The following PTPRT variants were observed in gnomAD, a reference collection of about 807,000 sequenced individuals.
PTPRT encodes the protein protein tyrosine phosphatase receptor type T, also known as receptor-type tyrosine-protein phosphatase T.
PTPRT carries 56 observed loss-of-function variants against 176.8 expected under a neutral mutation model. The ratio of observed to expected loss-of-function variants is 0.32; its 90% CI spans 0.26 to 0.40. The LOEUF (loss-of-function observed/expected upper bound fraction) is 0.40. PTPRT is among the 10% of genes least tolerant of loss of function. The pLI, the probability that PTPRT is intolerant of heterozygous loss-of-function variation, is 1.00. For synonymous variants in PTPRT, 783 were observed against 739.0 expected, an observed-to-expected ratio of 1.06 and a Z score of -0.96; for missense variants, 1,540 against 1,908.2, an observed-to-expected ratio of 0.81 and a Z score of 3.60.
At chr20:42,523,488 T>C (rs537701190) in intron 7 of PTPRT, among the ~76,000 whole-genome samples, 9 of 152,196 alleles carry the variant, frequency 5.9e-5, no homozygotes, top group Non-Finnish European at 1.2e-4. Context: ...CTCCTAGGTG[T>C]TTTGTAAATA....
At chr20:42,711,859 C>T (rs914346385) in intron 6 of PTPRT, among the ~76,000 whole-genome samples, 2 of 151,694 alleles carry the variant, frequency 1.3e-5, no homozygotes, top group African/African-American at 4.9e-5. Context: ...GAAAATGAGG[C>T]TGACAGATGA....
chr20:42,094,388 C>G (rs1395074428), intron 27 of PTPRT, among the ~76,000 whole-genome samples: 1 of 152,168 alleles, frequency 6.6e-6, no homozygotes, highest in Admixed American at 6.5e-5. Flanking sequence ...TTCTAACCTT[C>G]TATTGCTCAG....
At chr20:42,823,715 T>TA (rs1373525539) in intron 2 of PTPRT, among the ~76,000 whole-genome samples, 1 of 152,036 alleles carries the variant, frequency 6.6e-6, no homozygotes, top group Non-Finnish European at 1.5e-5. Flanking sequence ...AGGTTATACT[T>TA]ACATTATTCA....
chr20:42,881,792 G>C (rs75639610), intron 2 of PTPRT, among the ~76,000 whole-genome samples: 3,016 of 149,166 alleles, frequency 0.02, 51 homozygotes, highest in Middle Eastern at 0.053. Flanking sequence ...AATCAACAAA[G>C]TGAAGAATTG....
At chr20:42,877,596 A>G (rs2078954751) in intron 2 of PTPRT, among the ~76,000 whole-genome samples, 1 of 152,198 alleles carries the variant, frequency 6.6e-6, no homozygotes, top group East Asian at 1.9e-4. Context: ...AGAAAGTTCA[A>G]TTATTAATAA....
chr20:42,132,015 G>T (rs535566250), intron 18 of PTPRT, among the ~76,000 whole-genome samples: 11 of 152,288 alleles, frequency 7.2e-5, no homozygotes, highest in African/African-American at 2.6e-4. Flanking sequence ...AGCAGCGGGG[G>T]TTTCATTTCA....
At chr20:42,071,320 T>C (rs567777262), downstream of PTPRT, among the ~76,000 whole-genome samples, 5 of 152,322 alleles carry the variant, frequency 3.3e-5, no homozygotes, top group Admixed American at 6.5e-5. Context: ...AGAGGACATA[T>C]GCATCCAACT....
chr20:42,883,913 C>A (rs1014034902), intron 2 of PTPRT, among the ~76,000 whole-genome samples: 54 of 133,196 alleles, frequency 4.1e-4, no homozygotes, highest in Non-Finnish European at 7.3e-4. Context: ...CACACACACA[C>A]ACATACCAGT....
chr20:42,830,432 T>C (rs570211189), intron 2 of PTPRT, among the ~76,000 whole-genome samples: 3 of 152,260 alleles, frequency 2.0e-5, no homozygotes, highest in Admixed American at 1.3e-4. Context: ...ACACTACGTA[T>C]TCAAAGAACA....
chr20:43,126,993 ATTC>A (rs943792473), intron 1 of PTPRT, among the ~76,000 whole-genome samples: 32 of 152,350 alleles, frequency 2.1e-4, no homozygotes, highest in African/African-American at 5.5e-4. Flanking sequence ...ATTATTTCCA[ATTC>A]TTCTTTTCAT....
At chr20:43,072,016 C>G (rs1199804695) in intron 1 of PTPRT, among the ~76,000 whole-genome samples, 2 of 152,212 alleles carry the variant, frequency 1.3e-5, no homozygotes, top group Non-Finnish European at 1.5e-5. Context: ...ATCTAGCTCT[C>G]TAGACTGTGA....
At chr20:42,262,421 G>C (rs954958077) in intron 13 of PTPRT, among the ~76,000 whole-genome samples, 3 of 152,196 alleles carry the variant, frequency 2.0e-5, no homozygotes, top group Admixed American at 2.0e-4. Flanking sequence ...TGAGATCCCA[G>C]GCGAGACACT....
At chr20:43,133,560 A>G (rs927802787) in intron 1 of PTPRT, among the ~76,000 whole-genome samples, 3 of 151,980 alleles carry the variant, frequency 2.0e-5, no homozygotes, top group African/African-American at 7.3e-5. Flanking sequence ...CCTGGCTAAC[A>G]CACAGTGAAA....
At chr20:43,045,433 C>T (rs1264746718) in intron 1 of PTPRT, among the ~76,000 whole-genome samples, 6 of 149,790 alleles carry the variant, frequency 4.0e-5, no homozygotes, top group African/African-American at 1.2e-4. Context: ...TAAACTCTAA[C>T]TTTTTTCTTT....
intron 13 of PTPRT, among the ~76,000 whole-genome samples, chr20:42,277,983 A>T (rs2057071636): frequency 6.7e-6 from 1 of 149,396 alleles, no homozygotes; most frequent in African/African-American, 2.5e-5. Flanking sequence ...AGATCTGGGA[A>T]TAATAAAACA....
intron 7 of PTPRT, among the ~76,000 whole-genome samples, chr20:42,534,648 A>G (rs1268068242): frequency 1.3e-5 from 2 of 152,166 alleles, no homozygotes; most frequent in East Asian, 3.9e-4. Context: ...AAAAGAAAAA[A>G]AGATACAAAA....
chr20:42,480,447 G>A (rs774349847), intron 7 of PTPRT, among the ~76,000 whole-genome samples: 8 of 152,112 alleles, frequency 5.3e-5, no homozygotes, highest in Non-Finnish European at 1.2e-4. Flanking sequence ...ACCAACTATA[G>A]TTTAGTGTTA....
Position 42,615,183 on chromosome 20 carries a change from G to A in PTPRT, c.1153+62683C>T, listed in dbSNP as rs867392091. 4.8e-3 allele frequency among the ~76,000 whole-genome samples: 608 copies of A among 127,160 alleles called. 7 individuals carry two copies. Among genetic ancestry groups the A allele is most frequent in the African/African-American group, 0.019 (550 of 29,242 alleles). The allele number at this position is 127,160 out of a possible 152,430, so 83.4% of individuals were successfully genotyped here. On this transcript the variant is annotated intron_variant, in intron 7 of 30. Transcript: ENST00000373187. Reference sequence around the variant, plus strand: ...TTCCCACCTATGAGTGAGAATATGCGGTGTTTGGTTTTTTGTTCTTGCGAT... The same window carrying A: ...TTCCCACCTATGAGTGAGAATATGCAGTGTTTGGTTTTTTGTTCTTGCGAT...
intron 27 of PTPRT, among the ~76,000 whole-genome samples, chr20:42,089,070 G>A (rs1419798167): frequency 6.6e-6 from 1 of 152,108 alleles, no homozygotes; most frequent in East Asian, 1.9e-4. Flanking sequence ...TCCACTGGGG[G>A]TTAACCAAGC....
Sources: gnomAD v4.1 joint callset for allele counts (sites outside exome capture counted in the v4.1 genomes callset) on GRCh38, gnomAD v4.1.1 for gene constraint, MANE v1.5 for transcripts, NCBI Gene and HGNC (gene_info 2026-07-23, HGNC 2026-07-21) for gene names.